The following PCNX1 variants were observed in gnomAD, a reference collection of about 807,000 sequenced individuals.
PCNX1 encodes pecanex-like protein 1.
Under a neutral mutation model 242.2 loss-of-function variants are expected in PCNX1, and 78 were observed. The observed-to-expected ratio is 0.32, with a 90% CI of 0.27 to 0.39. PCNX1 has a LOEUF of 0.39. Among genes scored for constraint, PCNX1 ranks in the 10% least tolerant of loss-of-function variants. The probability of loss-of-function intolerance (pLI) is 1.00; values close to 1 mark genes in which losing one functional copy is unlikely to be tolerated. For missense variants in PCNX1, 2,581 were observed against 2,856.5 expected, an observed-to-expected ratio of 0.90 and a Z score of 2.20; for synonymous variants, 1,024 against 1,032.9, an observed-to-expected ratio of 0.99 and a Z score of 0.17.
At chr14:70,919,151 T>A (rs980536496) in intron 1 of PCNX1, among the ~76,000 whole-genome samples, 1 of 152,118 alleles carries the variant, frequency 6.6e-6, no homozygotes, top group Non-Finnish European at 1.5e-5. Context: ...CCAGAGTCAC[T>A]GGGATTACGG....
At chr14:70,956,612 G>C (rs556269875) in intron 2 of PCNX1, among the ~76,000 whole-genome samples, 1 of 152,224 alleles carries the variant, frequency 6.6e-6, no homozygotes, top group Admixed American at 6.5e-5. Flanking sequence ...GTGGGCTTTA[G>C]GGTTTCACAG....
At chr14:71,003,080 C>CTTGTTTTTTTTTTTT (rs2059552913) in intron 8 of PCNX1, among the ~76,000 whole-genome samples, 1 of 95,474 alleles carries the variant, frequency 1.0e-5, no homozygotes, top group African/African-American at 4.7e-5. Context: ...TGGTTGTCTT[C>CTTGTTTTTTTTTTTT]TTTTTTTTTT....
intron 8 of PCNX1, among the ~76,000 whole-genome samples, chr14:71,001,276 G>C (rs1281641375): frequency 3.3e-5 from 5 of 152,148 alleles, no homozygotes; most frequent in African/African-American, 1.2e-4. Context: ...TTTTCTTAGG[G>C]TAAATAATGT....
At chr14:71,102,727 T>C (rs2062496889) in intron 31 of PCNX1, among the ~76,000 whole-genome samples, 1 of 152,190 alleles carries the variant, frequency 6.6e-6, no homozygotes, top group African/African-American at 2.4e-5. Context: ...CATAAAGCCT[T>C]AAAATTTTTG....
At chr14:71,095,511 A>G (rs2062250409) in intron 30 of PCNX1, among the ~76,000 whole-genome samples, 1 of 152,182 alleles carries the variant, frequency 6.6e-6, no homozygotes, top group Non-Finnish European at 1.5e-5. Context: ...TCAATAATAA[A>G]CATCTTTCCA....
At chr14:71,083,080 G>C (rs1267381169) in intron 28 of PCNX1, among the ~76,000 whole-genome samples, 2 of 152,160 alleles carry the variant, frequency 1.3e-5, no homozygotes, top group African/African-American at 4.8e-5. Flanking sequence ...TTGCTTGTCT[G>C]TAAAGGATTT....
intron 18 of PCNX1, 84 bp downstream of exon 18, chr14:71,034,120 C>A (rs1052102306): frequency 5.6e-6 from 4 of 713,372 alleles, no homozygotes; most frequent in African/African-American, 5.4e-5. Context: ...TTTTGAAAGT[C>A]ATTAGTAATT....
intron 16 of PCNX1, among the ~76,000 whole-genome samples, chr14:71,031,526 C>A (rs139150576): frequency 6.6e-6 from 1 of 152,352 alleles, no homozygotes; most frequent in African/African-American, 2.4e-5. Context: ...TAGGGCCCCA[C>A]AGGACAGCAC....
At chr14:71,096,093 G>T (rs1244970213) in intron 30 of PCNX1, among the ~76,000 whole-genome samples, 1 of 152,200 alleles carries the variant, frequency 6.6e-6, no homozygotes, top group Non-Finnish European at 1.5e-5. Flanking sequence ...GCTGAGATGG[G>T]CGGATCACGA....
chr14:70,986,566 A>G (rs888609480), intron 6 of PCNX1, among the ~76,000 whole-genome samples: 1 of 152,224 alleles, frequency 6.6e-6, no homozygotes. Context: ...AACACCATTA[A>G]GTCTTCAGTA....
intron 16 of PCNX1, chr14:71,031,547 C>T (rs1042040512): frequency 2.3e-6 from 1 of 441,060 alleles, no homozygotes; most frequent in Non-Finnish European, 4.3e-6. Flanking sequence ...ACAAGAATGC[C>T]CCAACTTCAA....
At chr14:70,917,973 A>G (rs543939402) in intron 1 of PCNX1, among the ~76,000 whole-genome samples, 49 of 152,328 alleles carry the variant, frequency 3.2e-4, no homozygotes, top group African/African-American at 1.1e-3. Context: ...TGTTATGGCA[A>G]CAGCTTTAAC....
At chr14:70,937,964 T>C (rs2057079106) in intron 1 of PCNX1, among the ~76,000 whole-genome samples, 1 of 152,212 alleles carries the variant, frequency 6.6e-6, no homozygotes, top group Non-Finnish European at 1.5e-5. Context: ...TGCTTGTGAT[T>C]TTTGCACATT....
chr14:70,935,789 TA>T (rs1323782894), intron 1 of PCNX1, among the ~76,000 whole-genome samples: 6 of 152,180 alleles, frequency 3.9e-5, no homozygotes, highest in Non-Finnish European at 7.3e-5. Context: ...TATAGCAAAA[TA>T]GGCACTGAAA....
chr14:71,089,502 G>A (rs895379247), intron 30 of PCNX1, among the ~76,000 whole-genome samples, 160 bp downstream of exon 30: 3 of 152,126 alleles, frequency 2.0e-5, no homozygotes, highest in Non-Finnish European at 2.9e-5. Flanking sequence ...CACAGGGGTG[G>A]GGAGGCCTCA....
chr14:70,939,552 C>T (rs754938018), intron 1 of PCNX1, among the ~76,000 whole-genome samples: 2 of 152,170 alleles, frequency 1.3e-5, no homozygotes, highest in Non-Finnish European at 2.9e-5. Context: ...TTACTTCCAA[C>T]TGTGTCGTCA....
At position 70,978,354 on chromosome 14, in the gene PCNX1, C is replaced by T. The variant is rs376529028; in HGVS notation, c.2017C>T (p.Arg673Cys). The part of the protein sequence containing the change: ...HLVPEGTSKK[R>C]ATRRTSSTNS... ...GGTTCCTGAAGGAACCAGCAAAAAGCGTGCAACACGACGGACTTCTAGCAC... is the reference window on the plus strand; with the variant it reads ...GGTTCCTGAAGGAACCAGCAAAAAGTGTGCAACACGACGGACTTCTAGCAC... Residue 673 changes from arginine (R) to cysteine (C), a missense_variant, in exon 6 of 36, where the codon CGT becomes TGT. By Grantham distance (180) the Arg-to-Cys change is radical. Around this residue, in one of 9 missense-constraint regions of PCNX1, gnomAD observed 1,204 missense variants for 1,216.7 expected, o/e 0.99. Transcript: ENST00000304743. 1.4e-5 allele frequency: 22 copies of T among 1,614,070 alleles called. No individual in the cohort carries two copies. The highest frequency in any genetic ancestry group is 1.2e-4 in the South Asian group (11 of 91,088).
chr14:70,951,664 C>T (rs2057785665), intron 2 of PCNX1, among the ~76,000 whole-genome samples: 1 of 152,058 alleles, frequency 6.6e-6, no homozygotes, highest in Non-Finnish European at 1.5e-5. Context: ...TATGAGCCAC[C>T]ACACCTGACC....
intron 2 of PCNX1, among the ~76,000 whole-genome samples, chr14:70,957,922 C>T (rs1050984236): frequency 3.3e-5 from 5 of 152,126 alleles, no homozygotes; most frequent in Non-Finnish European, 2.9e-5. Context: ...GTACTTTGCT[C>T]TCCATCTTCT....
Sources: gnomAD v4.1 joint callset for allele counts (sites outside exome capture counted in the v4.1 genomes callset) on GRCh38, gnomAD v4.1.1 for gene constraint, gnomAD v4.1.1 regional missense constraint, MANE v1.5 for transcripts, NCBI Gene and HGNC (gene_info 2026-07-23, HGNC 2026-07-21) for gene names.